The following NCKAP1 variants were observed in gnomAD, a reference collection of about 807,000 sequenced individuals.
The protein encoded by NCKAP1 is nck-associated protein 1.
Under a neutral mutation model 151.2 loss-of-function variants are expected in NCKAP1, and 21 were observed. The observed-to-expected ratio is 0.14, with a 90% CI of 0.10 to 0.20. The LOEUF (loss-of-function observed/expected upper bound fraction) is 0.20. NCKAP1 is among the 10% of genes least tolerant of loss of function. NCKAP1 has a pLI of 1.00. For missense variants in NCKAP1, 933 were observed against 1,352.1 expected (o/e 0.69, Z 4.86); for synonymous variants, 484 against 451.8 (o/e 1.07, Z -0.90).
intron 1 of NCKAP1, among the ~76,000 whole-genome samples, chr2:183,024,382 CA>C (rs1698849640): frequency 6.6e-6 from 1 of 152,102 alleles, no homozygotes; most frequent in Non-Finnish European, 1.5e-5. Flanking sequence ...AGCCCTAGTT[CA>C]AAAGAACTGG....
At chr2:183,017,039 A>G (rs1421281959) in intron 2 of NCKAP1, among the ~76,000 whole-genome samples, 2 of 152,184 alleles carry the variant, frequency 1.3e-5, no homozygotes, top group African/African-American at 4.8e-5. Context: ...GGGGGGAAAC[A>G]CAAAAGAGAA....
chr2:182,925,863 G>T, intron 30 of NCKAP1, 45 bp from the exon 31 acceptor site: 2 of 1,058,160 alleles, frequency 1.9e-6, no homozygotes, highest in Non-Finnish European at 2.7e-6. Flanking sequence ...TTTATAACTT[G>T]TTTATAAACA....
At chr2:182,959,491 T>C (rs889282714) in intron 18 of NCKAP1, among the ~76,000 whole-genome samples, 2 of 152,196 alleles carry the variant, frequency 1.3e-5, no homozygotes, top group Non-Finnish European at 2.9e-5. Context: ...AAAAACCACA[T>C]GATTATCTCA....
intron 2 of NCKAP1, among the ~76,000 whole-genome samples, chr2:183,013,155 CCTTT>C (rs1273221651): frequency 2.6e-5 from 4 of 152,050 alleles, no homozygotes; most frequent in Non-Finnish European, 5.9e-5. Context: ...TTATTCCATT[CCTTT>C]CTCTCTCTCT....
rs1337067629 is a variant in NCKAP1 at position 182,923,603 on chromosome 2, A to G, written c.*2099T>C. 1.3e-5 allele frequency: 2 copies of G among 152,224 alleles called. No homozygotes were observed. Among genetic ancestry groups the G allele is most frequent in the African/African-American group, 4.8e-5 (2 of 41,454 alleles). The allele number at this position is 152,224 out of a possible 1,614,324, so 9.4% of individuals were successfully genotyped here. On this transcript the variant is annotated 3_prime_UTR_variant, in exon 31 of 31. Coordinates refer to ENST00000361354, the MANE Select transcript of NCKAP1 (RefSeq NM_013436.5). ...GTTAAATTAGTTATGGTATCTATAA[A>G]GGTATTAAAAAGAATATTAAAGACA...
intron 1 of NCKAP1, among the ~76,000 whole-genome samples, chr2:183,033,277 T>C (rs1019075832): frequency 1.3e-5 from 2 of 152,200 alleles, no homozygotes; most frequent in Admixed American, 1.3e-4. Context: ...CATCACAAGT[T>C]GGGGACCCTC....
chr2:182,951,934 C>G (rs1697225893), intron 23 of NCKAP1, among the ~76,000 whole-genome samples: 1 of 152,052 alleles, frequency 6.6e-6, no homozygotes, highest in Admixed American at 6.6e-5. Flanking sequence ...ATTAAGCATT[C>G]TGAAGGCATT....
At chr2:182,933,728 T>G (rs1696813430) in intron 26 of NCKAP1, among the ~76,000 whole-genome samples, 1 of 152,146 alleles carries the variant, frequency 6.6e-6, no homozygotes, top group Admixed American at 6.6e-5. Flanking sequence ...GTGGCACCAA[T>G]TTCAGAAGAG....
At chr2:183,026,487 T>TAA (rs58384257) in intron 1 of NCKAP1, among the ~76,000 whole-genome samples, 3 of 92,944 alleles carry the variant, frequency 3.2e-5, no homozygotes, top group African/African-American at 7.8e-5. Flanking sequence ...AACTAAAAAC[T>TAA]AAAAAAAAAA....
intron 2 of NCKAP1, among the ~76,000 whole-genome samples, chr2:183,009,441 A>AGGAAGGAC (rs1698545497): frequency 7.7e-6 from 1 of 129,604 alleles, no homozygotes; most frequent in Non-Finnish European, 1.7e-5. Context: ...GAAGGAAGGA[A>AGGAAGGAC]GGAAGGAAGG....
At chr2:183,007,354 C>T (rs1019641060) in intron 2 of NCKAP1, among the ~76,000 whole-genome samples, 1 of 152,086 alleles carries the variant, frequency 6.6e-6, no homozygotes, top group Non-Finnish European at 1.5e-5. Context: ...GGCAAAGAAC[C>T]TATCTTCATA....
chr2:182,931,812 A>G (rs1025450267), intron 26 of NCKAP1, among the ~76,000 whole-genome samples: 3 of 152,182 alleles, frequency 2.0e-5, no homozygotes, highest in South Asian at 2.1e-4. Context: ...TTAAAATGTC[A>G]AAGGCTTTGA....
chr2:183,010,199 C>T (rs1326771526), intron 2 of NCKAP1, among the ~76,000 whole-genome samples: 1 of 152,234 alleles, frequency 6.6e-6, no homozygotes, highest in Non-Finnish European at 1.5e-5. Context: ...CCCATCTTGG[C>T]TGGCCTTGTG....
Position 182,925,196 on chromosome 2 carries a change from A to C in NCKAP1, c.*506T>G, listed in dbSNP as rs1231132629. The C allele has an allele frequency of 1.3e-5, 2 of 152,178 alleles. No individual in the cohort carries two copies. The highest frequency in any genetic ancestry group is 2.9e-5 in the Non-Finnish European group (2 of 68,000). 9.4% of individuals were successfully genotyped at this position (152,178 alleles called of 1,614,324 possible). A position where few individuals can be genotyped will look rare whatever the true frequency, so the allele number is the denominator to read the frequency against. ...ACATTTTTAAATGTTATACAGTGTT[A>C]CAGTATTTAGTTTGGCAAATGTTTC... On this transcript the variant is annotated 3_prime_UTR_variant, in exon 31 of 31. Coordinates refer to ENST00000361354, the MANE Select transcript of NCKAP1 (RefSeq NM_013436.5).
intron 6 of NCKAP1, 126 bp from the exon 7 acceptor site, chr2:182,995,964 G>A: frequency 2.4e-6 from 2 of 825,096 alleles, no homozygotes; most frequent in Middle Eastern, 3.7e-4. Flanking sequence ...TTATACCCAT[G>A]CTCCTTATAA....
intron 16 of NCKAP1, among the ~76,000 whole-genome samples, chr2:182,966,174 G>T (rs1697565580): frequency 6.6e-6 from 1 of 152,022 alleles, no homozygotes; most frequent in Non-Finnish European, 1.5e-5. Context: ...GACATACTAG[G>T]TTATTCCAGT....
intron 29 of NCKAP1, 60 bp downstream of exon 29, chr2:182,928,057 G>A (rs1696684263): frequency 8.5e-7 from 1 of 1,178,156 alleles, no homozygotes; most frequent in South Asian, 1.4e-5. Context: ...ACATTTTGTG[G>A]TTGTGAATTT....
chr2:182,953,166 T>C lies in NCKAP1; in HGVS notation c.2319A>G (p.Thr773=), dbSNP rs771712367. The change falls in exon 21 of 31, where the codon ACA becomes ACG. Residue 773 remains threonine, a synonymous_variant. Transcript: ENST00000361354. The part of the protein sequence containing the change: ...RVFNNVLLQQ[T]QHLDSHGEPT... ...GCTCTCCATGACTGTCTAAATGTTG[T>C]GTTTGTTGAAGAAGCACATTATTAA... is the stretch of plus-strand genomic sequence containing the variant. The C allele has an allele frequency of 6.2e-7, 1 of 1,613,566 alleles. No homozygotes were observed. Among genetic ancestry groups the C allele is most frequent in the Non-Finnish European group, 8.5e-7 (1 of 1,179,602 alleles).
chr2:182,956,636 A>C, intron 19 of NCKAP1, 43 bp from the exon 20 acceptor site: 1 of 1,542,680 alleles, frequency 6.5e-7, no homozygotes, highest in Non-Finnish European at 8.7e-7. Context: ...ACATGTCATC[A>C]CAGGCAATAC....
Sources: allele counts gnomAD v4.1 joint callset (sites outside exome capture counted in the v4.1 genomes callset), GRCh38; gene constraint gnomAD v4.1.1; transcripts MANE v1.5; gene names NCBI Gene and HGNC (gene_info 2026-07-23, HGNC 2026-07-21).